Variants in CELF2 observed in about 807,000 individuals in gnomAD.
CELF2 encodes the protein CUG triplet repeat RNA-binding protein 2.
In CELF2, 8 loss-of-function variants were observed where a neutral mutation model predicts 62.6. The ratio of observed to expected loss-of-function variants is 0.13; its 90% CI spans 0.07 to 0.23. The LOEUF (loss-of-function observed/expected upper bound fraction) is 0.23, where lower values mean the gene tolerates loss of function less well. CELF2 is among the 10% of genes least tolerant of loss of function. The pLI, the probability that CELF2 is intolerant of heterozygous loss-of-function variation, is 1.00. For synonymous variants in CELF2, 258 were observed against 250.0 expected (o/e 1.03, Z -0.30); for missense variants, 333 against 671.0 (o/e 0.50, Z 5.56).
At chr10:10,694,676 C>G in the CELF2 span, among the ~76,000 whole-genome samples, 1 of 151,554 alleles carries the variant, frequency 6.6e-6, no homozygotes, top group African/African-American at 2.4e-5. Flanking sequence ...TCAGGACTTG[C>G]TTTATGAATC....
chr10:11,308,827 T>C (rs2094413223), intron 9 of CELF2, among the ~76,000 whole-genome samples: 1 of 142,878 alleles, frequency 7.0e-6, no homozygotes, highest in Admixed American at 7.3e-5. Flanking sequence ...GCCTGGTAGA[T>C]GTCTATCACA....
At chr10:10,745,051 G>A in the CELF2 span, among the ~76,000 whole-genome samples, 1 of 148,560 alleles carries the variant, frequency 6.7e-6, no homozygotes, top group African/African-American at 2.5e-5. Flanking sequence ...TGCCGGAAAC[G>A]TTTCTTCCAT....
the CELF2 span, among the ~76,000 whole-genome samples, chr10:10,754,787 A>G: frequency 6.6e-6 from 1 of 152,344 alleles, no homozygotes; most frequent in East Asian, 1.9e-4. Flanking sequence ...TCTGAAGCCC[A>G]GAACAAGTCT....
intron 1 of CELF2, among the ~76,000 whole-genome samples, chr10:10,890,687 T>G (rs891614665): frequency 5.9e-5 from 9 of 152,288 alleles, no homozygotes; most frequent in African/African-American, 2.2e-4. Context: ...TTCTTCCATT[T>G]CCACAACAGA....
At chr10:11,068,606 GCTGGAGTGCAGTGGCCCGATCTTGGCTCA>G (rs1415718416) in intron 1 of CELF2, among the ~76,000 whole-genome samples, 2 of 151,808 alleles carry the variant, frequency 1.3e-5, no homozygotes, top group Non-Finnish European at 2.9e-5. Flanking sequence ...TGTCGCCCAG[GCTGGAGTGCAGTGGCCCGATCTTGGCTCA>G]CTGCAAGTTC....
chr10:10,965,985 C>A (rs1313347593), intron 2 of CELF2, among the ~76,000 whole-genome samples: 1 of 152,196 alleles, frequency 6.6e-6, no homozygotes, highest in African/African-American at 2.4e-5. Flanking sequence ...AAGTGTCTCC[C>A]TAACACAAAA....
chr10:10,907,302 G>A (rs774606077), intron 1 of CELF2, among the ~76,000 whole-genome samples: 18 of 152,164 alleles, frequency 1.2e-4, no homozygotes, highest in Non-Finnish European at 2.4e-4. Flanking sequence ...ATAAATGGCA[G>A]ATTTGACAGT....
intron 1 of CELF2, among the ~76,000 whole-genome samples, chr10:11,023,056 G>T (rs1324383631): frequency 6.6e-6 from 1 of 152,178 alleles, no homozygotes; most frequent in Non-Finnish European, 1.5e-5. Context: ...TTCCACTTTA[G>T]AGTATTACCG....
chr10:10,795,189 G>T (rs1217520938), upstream of CELF2, among the ~76,000 whole-genome samples: 1 of 151,028 alleles, frequency 6.6e-6, no homozygotes, highest in Non-Finnish European at 1.5e-5. Flanking sequence ...GACGAGACTT[G>T]TTGCTGGTAC....
chr10:10,462,629 T>TTTTTTTTTTTTTTTTTTTC, the CELF2 span, among the ~76,000 whole-genome samples: 1 of 148,184 alleles, frequency 6.7e-6, no homozygotes. Context: ...TTTTTTTTTT[T>TTTTTTTTTTTTTTTTTTTC]TTTTTTTTTG....
At chr10:10,477,479 T>C in the CELF2 span, among the ~76,000 whole-genome samples, 6 of 152,130 alleles carry the variant, frequency 3.9e-5, no homozygotes, top group Non-Finnish European at 7.4e-5. Flanking sequence ...TAGAAACATC[T>C]GGTGGGCATT....
At chr10:10,913,053 C>T (rs556963693) in intron 1 of CELF2, among the ~76,000 whole-genome samples, 1 of 152,116 alleles carries the variant, frequency 6.6e-6, no homozygotes, top group East Asian at 1.9e-4. Context: ...TGTGTGTGTG[C>T]AATTGTAGAT....
chr10:10,615,188 G>A, the CELF2 span, among the ~76,000 whole-genome samples: 1 of 152,096 alleles, frequency 6.6e-6, no homozygotes, highest in Non-Finnish European at 1.5e-5. Context: ...AAACTAGGGG[G>A]GAAGTAAGAC....
chr10:11,057,538 TG>T (rs1436651467), intron 1 of CELF2, among the ~76,000 whole-genome samples: 1 of 152,196 alleles, frequency 6.6e-6, no homozygotes, highest in Non-Finnish European at 1.5e-5. Context: ...CACGGCCTTG[TG>T]GGGGAGGATA....
intron 2 of CELF2, among the ~76,000 whole-genome samples, chr10:11,216,487 T>C (rs2063390270): frequency 6.6e-6 from 1 of 152,226 alleles, no homozygotes; most frequent in African/African-American, 2.4e-5. Flanking sequence ...GCATCTTTGT[T>C]TCTTAAATTT....
chr10:10,493,186 C>G, the CELF2 span, among the ~76,000 whole-genome samples: 2 of 152,106 alleles, frequency 1.3e-5, no homozygotes, highest in East Asian at 3.9e-4. Context: ...TACAAAATAA[C>G]AAATACTGTA....
At position 11,319,178 on chromosome 10, in the gene CELF2, G is replaced by A. The variant is rs539784118; in HGVS notation, c.1097-2011G>A. The A allele has an allele frequency of 3.7e-5, 17 of 454,170 alleles. No individual in the cohort carries two copies. The highest frequency in any genetic ancestry group is 6.4e-5 in the Non-Finnish European group (14 of 219,796). 28.1% of individuals were successfully genotyped at this position (454,170 alleles called of 1,614,324 possible). On this transcript the variant is annotated intron_variant, in intron 10 of 12. Transcript: ENST00000633077. The surrounding 1 kb of genome is among the most constrained non-coding windows in gnomAD (Gnocchi z 4.4). ...TTCCAGAGGACTGTGCCCAGAGTGC[G>A]ATCATCTGTAATCCACAGCACCCGT...
chr10:10,736,737 C>T, the CELF2 span, among the ~76,000 whole-genome samples: 1 of 151,972 alleles, frequency 6.6e-6, no homozygotes. Context: ...GTGTGTTGAT[C>T]ATCAATTTTG....
At chr10:11,034,749 G>T (rs1042873796) in intron 1 of CELF2, among the ~76,000 whole-genome samples, 3 of 152,186 alleles carry the variant, frequency 2.0e-5, no homozygotes, top group Non-Finnish European at 4.4e-5. Context: ...GGAATTAATT[G>T]TGTAAGCAGT....
Sources: allele counts gnomAD v4.1 joint callset (sites outside exome capture counted in the v4.1 genomes callset), GRCh38; gene constraint gnomAD v4.1.1; non-coding constraint Gnocchi (gnomAD v3.1); transcripts MANE v1.5; gene names NCBI Gene and HGNC (gene_info 2026-07-23, HGNC 2026-07-21).